ERBB4: variants seen among roughly 807,000 people sequenced by gnomAD.
The protein encoded by ERBB4 is receptor tyrosine-protein kinase erbB-4.
Under a neutral mutation model 158.0 loss-of-function variants are expected in ERBB4, and 42 were observed. That is an observed-to-expected ratio of 0.27 (90% CI 0.21 to 0.34). The LOEUF is 0.34. Ranked by LOEUF, ERBB4 falls within the 10% of genes least tolerant of loss-of-function variation. The pLI, the probability that ERBB4 is intolerant of heterozygous loss-of-function variation, is 1.00. For synonymous variants in ERBB4, 583 were observed against 558.7 expected, an observed-to-expected ratio of 1.04 and a Z score of -0.61; for missense variants, 1,333 against 1,624.1, an observed-to-expected ratio of 0.82 and a Z score of 3.08.
chr2:211,595,141 A>G (rs1266405392), intron 19 of ERBB4, among the ~76,000 whole-genome samples: 1 of 152,232 alleles, frequency 6.6e-6, no homozygotes, highest in African/African-American at 2.4e-5. Context: ...AAGAAGTACA[A>G]TATCATTTCT....
intron 20 of ERBB4, among the ~76,000 whole-genome samples, chr2:211,495,169 C>T (rs2065439295): frequency 6.6e-6 from 1 of 151,846 alleles, no homozygotes; most frequent in East Asian, 1.9e-4. Flanking sequence ...GTAAGAAGAG[C>T]TATGAAATCT....
intron 20 of ERBB4, among the ~76,000 whole-genome samples, chr2:211,482,891 G>A (rs762565217): frequency 4.6e-5 from 7 of 152,048 alleles, no homozygotes; most frequent in Admixed American, 1.3e-4. Flanking sequence ...GGCAACAAGA[G>A]TGAAACTGTC....
chr2:212,408,690 C>T (rs373295574), intron 1 of ERBB4, among the ~76,000 whole-genome samples: 2 of 152,068 alleles, frequency 1.3e-5, no homozygotes, highest in African/African-American at 4.8e-5. Context: ...ACACCACCAC[C>T]GCCCTCTTAA....
At chr2:211,513,731 C>T (rs35159481) in intron 20 of ERBB4, among the ~76,000 whole-genome samples, 29,480 of 151,898 alleles carry the variant, frequency 0.19, 4,142 homozygotes, top group African/African-American at 0.4. Flanking sequence ...CCCCTGTCTA[C>T]GCTTTGTTAA....
intron 20 of ERBB4, among the ~76,000 whole-genome samples, chr2:211,540,010 G>C (rs1305743443): frequency 1.3e-5 from 2 of 151,644 alleles, no homozygotes; most frequent in Non-Finnish European, 2.9e-5. Context: ...TGAACATCCT[G>C]GATATATCCA....
chr2:212,509,359 G>A (rs913571239), intron 1 of ERBB4, among the ~76,000 whole-genome samples: 19 of 151,870 alleles, frequency 1.3e-4, no homozygotes, highest in African/African-American at 3.9e-4. Flanking sequence ...GATTGCTTTC[G>A]TACATAAGTG....
intron 12 of ERBB4, among the ~76,000 whole-genome samples, chr2:211,699,264 C>T (rs567395985): frequency 3.1e-4 from 47 of 152,238 alleles, no homozygotes; most frequent in African/African-American, 1.1e-3. Flanking sequence ...CAGACATGCA[C>T]GCTGATATGC....
intron 1 of ERBB4, among the ~76,000 whole-genome samples, chr2:212,199,738 T>C (rs982398144): frequency 1.4e-4 from 21 of 152,242 alleles, no homozygotes; most frequent in African/African-American, 4.8e-4. Context: ...AAATTTTTAA[T>C]TTATTAGAGA....
intron 17 of ERBB4, among the ~76,000 whole-genome samples, chr2:211,627,132 T>C (rs2069890503): frequency 6.6e-6 from 1 of 152,150 alleles, no homozygotes; most frequent in Non-Finnish European, 1.5e-5. Flanking sequence ...GTCACCTAAA[T>C]GTACACTGCT....
At chr2:211,474,263 AAATT>A (rs2064900341) in intron 20 of ERBB4, among the ~76,000 whole-genome samples, 2 of 152,106 alleles carry the variant, frequency 1.3e-5, no homozygotes, top group African/African-American at 4.8e-5. Flanking sequence ...CTAAAGATTA[AAATT>A]AATAAAGATA....
intron 19 of ERBB4, among the ~76,000 whole-genome samples, chr2:211,597,997 G>A (rs1020847195): frequency 6.6e-6 from 1 of 152,100 alleles, no homozygotes; most frequent in African/African-American, 2.4e-5. Context: ...TGGCAGTTTT[G>A]TATGTCTGTG....
At chr2:211,392,223 T>C (rs989190890) in intron 25 of ERBB4, among the ~76,000 whole-genome samples, 1 of 152,102 alleles carries the variant, frequency 6.6e-6, no homozygotes, top group Non-Finnish European at 1.5e-5. Context: ...TATGTTATAA[T>C]TATTGCATTA....
At chr2:211,923,245 C>T (rs143850358) in intron 3 of ERBB4, among the ~76,000 whole-genome samples, 14 of 152,084 alleles carry the variant, frequency 9.2e-5, no homozygotes, top group South Asian at 6.2e-4. Context: ...TGTAGAATTA[C>T]GAGAAGGCAG....
chr2:212,432,056 A>G (rs997344726), intron 1 of ERBB4, among the ~76,000 whole-genome samples: 5 of 152,210 alleles, frequency 3.3e-5, no homozygotes, highest in African/African-American at 1.2e-4. Flanking sequence ...TAGAGCATGT[A>G]TTGAAATCAA....
intron 1 of ERBB4, among the ~76,000 whole-genome samples, chr2:212,392,556 T>C (rs1182017848): frequency 6.6e-6 from 1 of 152,040 alleles, no homozygotes; most frequent in Non-Finnish European, 1.5e-5. Context: ...CAGAACTCAA[T>C]ACAGCAAACA....
chr2:212,263,704 G>C (rs1250375513), intron 1 of ERBB4, among the ~76,000 whole-genome samples: 1 of 151,656 alleles, frequency 6.6e-6, no homozygotes, highest in East Asian at 1.9e-4. Flanking sequence ...TTCAAAATTT[G>C]TATTGGTCCC....
intron 1 of ERBB4, among the ~76,000 whole-genome samples, chr2:212,400,040 G>C (rs575219853): frequency 6.6e-6 from 1 of 152,220 alleles, no homozygotes; most frequent in South Asian, 2.1e-4. Flanking sequence ...AACCAGGAAG[G>C]GGAAGTGCCA....
intron 5 of ERBB4, among the ~76,000 whole-genome samples, chr2:211,732,716 T>C (rs1473188789): frequency 6.6e-6 from 1 of 152,128 alleles, no homozygotes; most frequent in African/African-American, 2.4e-5. Flanking sequence ...CCCAGCACTT[T>C]GGAAGGCTGA....
chr2:211,514,027 T>C (rs948675832), intron 20 of ERBB4, among the ~76,000 whole-genome samples: 16 of 152,126 alleles, frequency 1.1e-4, no homozygotes, highest in African/African-American at 3.9e-4. Context: ...CAATAAATTA[T>C]TGTCAACTAT....
Sources: allele counts gnomAD v4.1 joint callset (sites outside exome capture counted in the v4.1 genomes callset), GRCh38; gene constraint gnomAD v4.1.1; transcripts MANE v1.5; gene names NCBI Gene and HGNC (gene_info 2026-07-23, HGNC 2026-07-21).